The following ROCK1 variants were observed in gnomAD, a reference collection of about 807,000 sequenced individuals.
ROCK1 encodes the protein Rho associated coiled-coil containing protein kinase 1.
In ROCK1, 36 loss-of-function variants were observed where a neutral mutation model predicts 196.8. The observed-to-expected ratio is 0.18, with a 90% confidence interval of 0.14 to 0.24. The LOEUF is 0.24. ROCK1 is among the 10% of genes least tolerant of loss of function. ROCK1 has a pLI of 1.00. For missense variants in ROCK1, 920 were observed against 1,562.0 expected (o/e 0.59, Z 6.93); for synonymous variants, 443 against 515.9 (o/e 0.86, Z 1.91).
intron 12 of ROCK1, 24 bp from the exon 13 acceptor site, chr18:21,015,503 A>T: frequency 7.1e-7 from 1 of 1,404,016 alleles, no homozygotes; most frequent in African/African-American, 1.4e-5. Context: ...AGCAATACAG[A>T]TTAGAAATAT....
intron 8 of ROCK1, among the ~76,000 whole-genome samples, chr18:21,040,911 T>C (rs1226880408): frequency 1.3e-5 from 2 of 151,868 alleles, no homozygotes; most frequent in African/African-American, 4.8e-5. Context: ...GATCATGAGG[T>C]CAGGAGTTCA....
At chr18:20,970,262 G>A in intron 23 of ROCK1, 86 bp downstream of exon 23, 1 of 991,904 alleles carries the variant, frequency 1.0e-6, no homozygotes, top group Non-Finnish European at 1.5e-6. Flanking sequence ...AAATACACTT[G>A]CACACACACT....
chr18:21,094,991 G>A (rs1371594824), intron 1 of ROCK1, among the ~76,000 whole-genome samples: 10 of 148,160 alleles, frequency 6.7e-5, no homozygotes, highest in Middle Eastern at 3.7e-3. Flanking sequence ...CAAAGGTTGC[G>A]GTGAGCCAAG....
chr18:21,046,275 A>C (rs1285441983), intron 4 of ROCK1, among the ~76,000 whole-genome samples: 1 of 152,150 alleles, frequency 6.6e-6, no homozygotes, highest in East Asian at 1.9e-4. Context: ...ATGAGACTAT[A>C]ATCTCTTCTA....
In ROCK1 at chr18:21,039,278, C is replaced by T. The variant is rs571014751; in HGVS notation, c.1051+194G>A. On this transcript the variant is annotated intron_variant, in intron 9 of 32. Coordinates refer to ENST00000399799, the MANE Select transcript of ROCK1 (RefSeq NM_005406.3). ...ATTTATATTTCATCTGGGTATCCTG[C>T]GTGGGACATAAGAGGAGTAACAATA... 3.3e-5 allele frequency among the ~76,000 whole-genome samples: 5 copies of T among 152,100 alleles called. No homozygotes were observed. The East Asian group carries it at 7.7e-4, about 23-fold the overall frequency.
At chr18:20,998,553 T>G (rs992648687) in intron 16 of ROCK1, among the ~76,000 whole-genome samples, 2 of 143,216 alleles carry the variant, frequency 1.4e-5, no homozygotes, top group African/African-American at 5.2e-5. Context: ...TTCCAGCAAA[T>G]AAAAGCCCAG....
chr18:21,009,260 G>A (rs1320493484), intron 13 of ROCK1, among the ~76,000 whole-genome samples: 5 of 141,376 alleles, frequency 3.5e-5, no homozygotes, highest in Admixed American at 7.5e-5. Context: ...TGATCCGCCC[G>A]CCTCAGCCTC....
Position 21,020,371 on chromosome 18 carries a change from A to AT in ROCK1, c.1273-133dup. On this transcript the variant is annotated intron_variant, in intron 11 of 32. Transcript: ENST00000399799. ...TTTAATCTTACCTCTTTCTATCTCA[A>AT]TTTTTTTATTATTAATTTAACAAGC... The AT allele has an allele frequency of 4.4e-6, 2 of 455,440 alleles. 1 individual carries two copies. Among genetic ancestry groups the AT allele is most frequent in the Non-Finnish European group, 7.6e-6 (2 of 264,426 alleles). 28.2% of individuals were successfully genotyped at this position (455,440 alleles called of 1,614,324 possible).
intron 13 of ROCK1, among the ~76,000 whole-genome samples, chr18:21,014,812 AG>A (rs1316059277): frequency 6.6e-6 from 1 of 152,244 alleles, no homozygotes; most frequent in Non-Finnish European, 1.5e-5. Flanking sequence ...GTAATGTATT[AG>A]GAGAAGACTA....
intron 13 of ROCK1, among the ~76,000 whole-genome samples, chr18:21,013,606 G>A (rs932961164): frequency 2.0e-5 from 3 of 151,876 alleles, no homozygotes; most frequent in African/African-American, 7.3e-5. Flanking sequence ...CATGGTCACT[G>A]CTACGCTGTC....
At chr18:20,997,867 C>T (rs1478644184) in intron 16 of ROCK1, among the ~76,000 whole-genome samples, 10 of 149,820 alleles carry the variant, frequency 6.7e-5, no homozygotes. Context: ...CGAAGTTTCG[C>T]TCTTGTACCC....
At chr18:21,014,090 T>C (rs2035842766) in intron 13 of ROCK1, among the ~76,000 whole-genome samples, 1 of 145,690 alleles carries the variant, frequency 6.9e-6, no homozygotes, top group Non-Finnish European at 1.5e-5. Context: ...AAAAAAAGAA[T>C]GAGGCTACCG....
intron 8 of ROCK1, 94 bp from the exon 9 acceptor site, chr18:21,039,657 T>C (rs777075553): frequency 3.6e-6 from 3 of 827,952 alleles, no homozygotes; most frequent in East Asian, 2.5e-5. Context: ...TAAATCAGTG[T>C]AGGACGACAA....
chr18:21,051,852 G>A (rs1247566780), intron 2 of ROCK1, among the ~76,000 whole-genome samples: 1 of 152,144 alleles, frequency 6.6e-6, no homozygotes, highest in Non-Finnish European at 1.5e-5. Context: ...ACTACTATGG[G>A]CAGGAAGCCA....
At chr18:21,003,909 T>TA (rs939045893) in intron 16 of ROCK1, among the ~76,000 whole-genome samples, 48 of 151,672 alleles carry the variant, frequency 3.2e-4, no homozygotes, top group South Asian at 6.3e-4. Flanking sequence ...AGCAAACAAT[T>TA]AAAAAAAACA....
chr18:20,982,751 AT>A lies in ROCK1; in HGVS notation c.2559+11del. The A allele has an allele frequency of 7.2e-7, 1 of 1,394,220 alleles. No homozygotes were observed. Among genetic ancestry groups the A allele is most frequent in the Non-Finnish European group, 1.0e-6 (1 of 985,534 alleles). The allele number at this position is 1,394,220 out of a possible 1,614,324, so 86.4% of individuals were successfully genotyped here. ...TGAAACAGTGTGTATGTTAAAAATG[AT>A]TCTCACTTACCGAGAAATATTGCTC... On this transcript the variant is annotated intron_variant, in intron 21 of 32. Transcript: ENST00000399799.
At chr18:21,066,039 T>C (rs1315994695) in intron 2 of ROCK1, among the ~76,000 whole-genome samples, 1 of 152,188 alleles carries the variant, frequency 6.6e-6, no homozygotes, top group Non-Finnish European at 1.5e-5. Context: ...ATCTGATATA[T>C]GTCAGCAAAA....
chr18:21,069,502 T>C (rs1181671907), intron 2 of ROCK1, among the ~76,000 whole-genome samples: 2 of 152,088 alleles, frequency 1.3e-5, no homozygotes, highest in African/African-American at 4.8e-5. Context: ...TATACAAGCA[T>C]ACTTAACATT....
chr18:21,019,026 ACT>A (rs1270819889), intron 12 of ROCK1, among the ~76,000 whole-genome samples: 1 of 152,228 alleles, frequency 6.6e-6, no homozygotes, highest in African/African-American at 2.4e-5. Context: ...AGAAAAAGAT[ACT>A]CTGAGTTACT....
Sources: gnomAD v4.1 joint callset for allele counts (sites outside exome capture counted in the v4.1 genomes callset) on GRCh38, gnomAD v4.1.1 for gene constraint, MANE v1.5 for transcripts, NCBI Gene and HGNC (gene_info 2026-07-23, HGNC 2026-07-21) for gene names.